ZNF568: variants seen among roughly 807,000 people sequenced by gnomAD.
The protein encoded by ZNF568 is p53 inhibitor of SCO2 activation.
Under a neutral mutation model 18.1 loss-of-function variants are expected in ZNF568, and 11 were observed. The ratio of observed to expected loss-of-function variants is 0.61; its 90% CI spans 0.38 to 1.00. The LOEUF (loss-of-function observed/expected upper bound fraction) is 1.00. Ranked by LOEUF, ZNF568 falls within the 50% of genes least tolerant of loss-of-function variation. The pLI is 0.01. For missense variants in ZNF568, 639 were observed against 768.2 expected (o/e 0.83, Z 1.99); for synonymous variants, 213 against 246.6 (o/e 0.86, Z 1.28).
intron 6 of ZNF568, among the ~76,000 whole-genome samples, chr19:36,973,009 G>T (rs1391345939): frequency 6.6e-6 from 1 of 152,238 alleles, no homozygotes; most frequent in Non-Finnish European, 1.5e-5. Flanking sequence ...TGTTTGCCCA[G>T]TTCCTGGGAG....
downstream of ZNF568, among the ~76,000 whole-genome samples, chr19:36,980,534 C>A (rs1043336645): frequency 1.3e-5 from 2 of 152,162 alleles, no homozygotes; most frequent in East Asian, 3.9e-4. Context: ...TCACTTTAGA[C>A]CAGCTAGCTA....
intron 4 of ZNF568, among the ~76,000 whole-genome samples, chr19:36,927,844 ATGTGTGTGTG>A (rs367925001): frequency 1.2e-5 from 1 of 83,860 alleles, no homozygotes; most frequent in African/African-American, 5.3e-5. Flanking sequence ...ATAAAGATAT[ATGTGTGTGTG>A]TGTGTGTATA....
At chr19:36,933,911 G>GTTT (rs1443339780) in intron 4 of ZNF568, among the ~76,000 whole-genome samples, 7 of 54,672 alleles carry the variant, frequency 1.3e-4, no homozygotes, top group East Asian at 2.9e-4. Context: ...TTTTTTTTTT[G>GTTT]TTTTGTTTTT....
intron 6 of ZNF568, among the ~76,000 whole-genome samples, chr19:36,943,661 G>A (rs945995646): frequency 6.6e-6 from 1 of 151,994 alleles, no homozygotes; most frequent in African/African-American, 2.4e-5. Flanking sequence ...TGCAACATCC[G>A]CCTCCCGGGT....
At position 36,950,097 on chromosome 19, in the gene ZNF568, TC is replaced by T. The variant is rs1157228262; in HGVS notation, c.945del (p.Phe315LeufsTer67). Reference protein sequence around the residue: ...PYACKDCWKAFSQKSNLIEHE... With the variant: ...PYACKDCWKAXSQKSNLIEHE... The stretch of plus-strand genomic sequence containing the variant: ...GCATGTAAGGATTGTTGGAAAGCCT[TC>T]AGTCAGAAATCAAATCTCATTGAAC... On this transcript the variant is annotated frameshift_variant, in exon 7 of 7. Coordinates refer to ENST00000333987, the MANE Select transcript of ZNF568 (RefSeq NM_198539.4). LOFTEE classifies it low-confidence loss of function (END_TRUNC). 6.2e-7 allele frequency: 1 copy of T among 1,613,872 alleles called. No individual in the cohort carries two copies. Among genetic ancestry groups the T allele is most frequent in the Non-Finnish European group, 8.5e-7 (1 of 1,179,962 alleles).
chr19:36,992,030 CAG>C (rs1378489638), intron 4 of ZNF568, among the ~76,000 whole-genome samples: 1 of 152,068 alleles, frequency 6.6e-6, no homozygotes, highest in Non-Finnish European at 1.5e-5. Context: ...ATCACAAGGT[CAG>C]GAGTTCGAGA....
intron 2 of ZNF568, among the ~76,000 whole-genome samples, chr19:36,919,056 T>C (rs369876526): frequency 6.6e-6 from 1 of 152,228 alleles, no homozygotes; most frequent in East Asian, 1.9e-4. Context: ...GGGCTGCTTC[T>C]ACCTTTTGGC....
At chr19:36,918,424 T>C (rs1027143116) in intron 2 of ZNF568, among the ~76,000 whole-genome samples, 1 of 152,130 alleles carries the variant, frequency 6.6e-6, no homozygotes, top group Non-Finnish European at 1.5e-5. Context: ...TAATACCTAA[T>C]ATAATGTAAA....
intron 7 of ZNF568, chr19:36,974,483 A>G (rs552961611): frequency 1.1e-5 from 17 of 1,535,416 alleles, no homozygotes; most frequent in Admixed American, 9.8e-5. Context: ...TGCATTTGAC[A>G]TTTTCTTGGA....
At chr19:36,974,532 A>T in intron 7 of ZNF568, 1 of 1,400,192 alleles carries the variant, frequency 7.1e-7, no homozygotes, top group South Asian at 1.2e-5. Flanking sequence ...CCTATTTCAG[A>T]AATTTATCTA....
chr19:36,966,327 TCTCCAA>T (rs1385654915), intron 6 of ZNF568, among the ~76,000 whole-genome samples: 2 of 151,922 alleles, frequency 1.3e-5, no homozygotes, highest in African/African-American at 2.4e-5. Flanking sequence ...CCCAGGCTGG[TCTCCAA>T]CTCCTGGCCT....
downstream of ZNF568, chr19:36,997,608 A>C (rs763686221): frequency 4.5e-6 from 7 of 1,543,206 alleles, no homozygotes; most frequent in South Asian, 8.2e-5. Context: ...GACACCAGAA[A>C]ATTCATACTG....
chr19:36,948,245 G>A (rs513406), intron 6 of ZNF568, among the ~76,000 whole-genome samples: 54,280 of 151,810 alleles, frequency 0.36, 9,999 homozygotes, highest in African/African-American at 0.41. Context: ...TTTCCAATGG[G>A]TTTCTTTTAC....
At chr19:36,957,502 A>G (rs1461923584), downstream of ZNF568, among the ~76,000 whole-genome samples, 1 of 152,172 alleles carries the variant, frequency 6.6e-6, no homozygotes, top group Admixed American at 6.5e-5. Flanking sequence ...TGCTGGGATT[A>G]CAGGCATAAG....
intron 4 of ZNF568, among the ~76,000 whole-genome samples, chr19:36,994,012 T>G (rs1284374517): frequency 6.6e-6 from 1 of 151,854 alleles, no homozygotes. Flanking sequence ...ATTTGAGATA[T>G]CTCTGTTTTT....
chr19:36,943,753 A>C (rs1384593498), intron 6 of ZNF568, among the ~76,000 whole-genome samples: 1 of 151,776 alleles, frequency 6.6e-6, no homozygotes, highest in African/African-American at 2.4e-5. Flanking sequence ...TGTATTTTTA[A>C]GTAGAGATTG....
rs974388106 is a variant in ZNF568, at chr19:36,997,124, G to A, written c.1037G>A (p.Arg346His). The A allele has an allele frequency of 2.7e-5, 43 of 1,568,808 alleles. No individual in the cohort carries two copies. In the Admixed American group the frequency reaches 5.2e-4, roughly 19 times the overall value. ...CAGATAATCCATACTGGTGAAAGAC[G>A]CTATGAATGCAGGGAGTGTGGAAAG... The change falls in exon 5 of 5, where the codon CGC (arginine) becomes CAC (histidine). Residue 346 changes from arginine (R) to histidine (H), a missense_variant. Arg to His is a conservative substitution (Grantham distance 29). Coordinates refer to the ZNF568 transcript ENST00000433993.
Position 36,922,610 on chromosome 19 carries a change from A to G in ZNF568, c.-161A>G, listed in dbSNP as rs1266801569. ...GGTCCTGGTTCCACAAGGATAAAAC[A>G]CATCTGCAGTGCAAATAGAAGTCTG... is the stretch of plus-strand genomic sequence containing the variant. On this transcript the variant is annotated 5_prime_UTR_variant, in exon 3 of 7. Transcript: ENST00000333987. 2.4e-5 allele frequency: 12 copies of G among 503,508 alleles called. No individual in the cohort carries two copies. The highest frequency in any genetic ancestry group is 4.3e-5 in the Non-Finnish European group (12 of 281,880). The allele number at this position is 503,508 out of a possible 1,614,324, so 31.2% of individuals were successfully genotyped here.
chr19:36,996,893 G>A (rs2074478532), exon 5 of ZNF568: 1 of 1,538,398 alleles, frequency 6.5e-7, no homozygotes, highest in African/African-American at 1.4e-5. Flanking sequence ...AGGGAGTGTG[G>A]GAAAGCCTTT....
Sources: allele counts gnomAD v4.1 joint callset (sites outside exome capture counted in the v4.1 genomes callset), GRCh38; gene constraint gnomAD v4.1.1; transcripts MANE v1.5; gene names NCBI Gene and HGNC (gene_info 2026-07-23, HGNC 2026-07-21).